Variants in ANO10 observed in about 807,000 individuals in gnomAD.
ANO10 encodes the protein anoctamin 10, also known as anoctamin-10.
ANO10 carries 77 observed loss-of-function variants against 74.7 expected under a neutral mutation model. That is an observed-to-expected ratio of 1.03 (90% CI 0.86 to 1.25). The LOEUF (loss-of-function observed/expected upper bound fraction) is 1.25. ANO10 is among the 50% of genes most tolerant of loss of function. The pLI is 0.00. For synonymous variants in ANO10, 279 were observed against 284.9 expected, an observed-to-expected ratio of 0.98 and a Z score of 0.21; for missense variants, 721 against 778.1, an observed-to-expected ratio of 0.93 and a Z score of 0.87.
intron 12 of ANO10, among the ~76,000 whole-genome samples, chr3:43,429,062 A>T (rs1311389243): frequency 3.9e-5 from 6 of 152,160 alleles, no homozygotes; most frequent in Non-Finnish European, 8.8e-5. Flanking sequence ...GGTAAAGTGT[A>T]CCTGAAGATA....
chr3:43,600,664 C>T lies in ANO10; in HGVS notation c.140-83G>A, dbSNP rs2068969. On this transcript the variant is annotated intron_variant, in intron 2 of 12. Coordinates refer to ENST00000292246, the MANE Select transcript of ANO10 (RefSeq NM_018075.5). ...AACTTTCTAAATAAATATAATGTTT[C>T]TAGTCTGGTAGAAGAAAAAGAAATT... The T allele has an allele frequency of 0.011, 12,670 of 1,199,558 alleles. 187 individuals are homozygous for T. Among genetic ancestry groups the T allele is most frequent in the African/African-American group, 0.064 (4,158 of 64,822 alleles). 74.3% of individuals were successfully genotyped at this position (1,199,558 alleles called of 1,614,324 possible). A position where few individuals can be genotyped will look rare whatever the true frequency, so the allele number is the denominator to read the frequency against.
intron 2 of ANO10, among the ~76,000 whole-genome samples, chr3:43,604,951 C>G (rs2082492943): frequency 6.6e-6 from 1 of 152,042 alleles, no homozygotes; most frequent in African/African-American, 2.4e-5. Flanking sequence ...GAAATAACTT[C>G]AGTTTATAGT....
At chr3:43,461,373 G>A (rs1305944777) in intron 11 of ANO10, among the ~76,000 whole-genome samples, 2 of 152,098 alleles carry the variant, frequency 1.3e-5, no homozygotes, top group Non-Finnish European at 2.9e-5. Flanking sequence ...ATTCATAACA[G>A]AAAATCTTCT....
rs1482785498 is a variant in ANO10 at position 43,441,970 on chromosome 3, TCAA to T, written c.1798-9246_1798-9244del. Among the ~76,000 whole-genome samples the T allele has an allele frequency of 2.6e-5, 4 of 151,840 alleles. No individual in the cohort carries two copies. The South Asian group carries it at 8.3e-4, about 32-fold the overall frequency. ...CAATACCCTTTCATGATAAAAACAC[TCAA>T]CAAAGTAGGAGTAAAAAGAAATTAC... On this transcript the variant is annotated intron_variant, in intron 11 of 12. Coordinates refer to ENST00000292246, the MANE Select transcript of ANO10 (RefSeq NM_018075.5).
chr3:43,390,224 C>T (rs1424030027), intron 12 of ANO10, among the ~76,000 whole-genome samples: 3 of 152,174 alleles, frequency 2.0e-5, no homozygotes, highest in Non-Finnish European at 4.4e-5. Flanking sequence ...CTGGACTGGA[C>T]GTTGAGCCCA....
chr3:43,477,530 T>C (rs1161483259), intron 11 of ANO10, among the ~76,000 whole-genome samples: 2 of 152,212 alleles, frequency 1.3e-5, no homozygotes, highest in Non-Finnish European at 2.9e-5. Flanking sequence ...CAAAATGTCA[T>C]TGCATAAAAG....
chr3:43,513,094 G>A (rs2077571931), intron 11 of ANO10, among the ~76,000 whole-genome samples: 2 of 152,204 alleles, frequency 1.3e-5, no homozygotes, highest in South Asian at 2.1e-4. Flanking sequence ...CAAGTTTTCA[G>A]TAGAGGTCTT....
At chr3:43,491,181 G>A (rs529291940) in intron 11 of ANO10, among the ~76,000 whole-genome samples, 1 of 152,264 alleles carries the variant, frequency 6.6e-6, no homozygotes, top group South Asian at 2.1e-4. Flanking sequence ...CGAAGAATCA[G>A]AAGGAATCCA....
At chr3:43,542,962 A>T (rs1169648577) in intron 11 of ANO10, among the ~76,000 whole-genome samples, 1 of 152,154 alleles carries the variant, frequency 6.6e-6, no homozygotes, top group African/African-American at 2.4e-5. Flanking sequence ...AGAGTTATAC[A>T]TGTGTTATTT....
chr3:43,468,336 T>G (rs1008762242), intron 11 of ANO10, among the ~76,000 whole-genome samples: 1 of 152,178 alleles, frequency 6.6e-6, no homozygotes, highest in Non-Finnish European at 1.5e-5. Flanking sequence ...TGGGAAATGC[T>G]GAAAGGCTTA....
chr3:43,480,315 G>T (rs2076219200), intron 11 of ANO10, among the ~76,000 whole-genome samples: 1 of 152,166 alleles, frequency 6.6e-6, no homozygotes, highest in African/African-American at 2.4e-5. Context: ...ATAATTCAAG[G>T]ATTTCACAGA....
chr3:43,435,493 A>G (rs938256587), intron 11 of ANO10, among the ~76,000 whole-genome samples: 4 of 144,004 alleles, frequency 2.8e-5, no homozygotes, highest in Admixed American at 7.2e-5. Context: ...TGGGTGACAG[A>G]GCGAGACTCC....
intron 1 of ANO10, among the ~76,000 whole-genome samples, chr3:43,675,702 T>C (rs1039882785): frequency 6.6e-6 from 1 of 151,892 alleles, no homozygotes; most frequent in African/African-American, 2.4e-5. Flanking sequence ...CACCCATCAC[T>C]ACACACCCAT....
At chr3:43,691,317 C>T in intron 1 of ANO10, 1 of 319,860 alleles carries the variant, frequency 3.1e-6, no homozygotes. Flanking sequence ...AGGGTCCGCC[C>T]CGTTGTTGTA....
chr3:43,475,285 G>A (rs114151683), intron 11 of ANO10, among the ~76,000 whole-genome samples: 2,338 of 152,194 alleles, frequency 0.015, 22 homozygotes, highest in Middle Eastern at 0.054. Flanking sequence ...CAACATTAGC[G>A]TGAAGAACCT....
chr3:43,599,722 G>A (rs1044404942), intron 3 of ANO10, among the ~76,000 whole-genome samples: 14 of 151,874 alleles, frequency 9.2e-5, no homozygotes, highest in African/African-American at 2.7e-4. Context: ...TGGCTAACAC[G>A]GTGAAACCCC....
Position 43,484,864 on chromosome 3 carries a change from C to G in ANO10, c.1798-52137G>C, listed in dbSNP as rs66842319. 6 of 574,376 alleles carry G rather than the reference C, an allele frequency of 1.0e-5. No homozygotes were observed. The East Asian group carries it at 1.8e-4, about 18-fold the overall frequency. The allele number at this position is 574,376 out of a possible 1,614,324, so 35.6% of individuals were successfully genotyped here. A position where few individuals can be genotyped will look rare whatever the true frequency, so the allele number is the denominator to read the frequency against. ...ATCATGGAGGCGGGGCTGTGTTCTC[C>G]GCCAACAGGCATGACCAATTGTCTA... On this transcript the variant is annotated intron_variant, in intron 11 of 12. Transcript: ENST00000292246.
At chr3:43,583,842 TATC>T (rs1249812539) in intron 4 of ANO10, among the ~76,000 whole-genome samples, 1 of 152,206 alleles carries the variant, frequency 6.6e-6, no homozygotes, top group African/African-American at 2.4e-5. Context: ...AAGAAAATGC[TATC>T]ATAAGGTTCT....
chr3:43,423,638 G>C (rs1312427641), intron 12 of ANO10, among the ~76,000 whole-genome samples: 1 of 152,192 alleles, frequency 6.6e-6, no homozygotes, highest in East Asian at 1.9e-4. Flanking sequence ...GAGTGCTTGG[G>C]AATCTTGCTA....
Sources: allele counts gnomAD v4.1 joint callset (sites outside exome capture counted in the v4.1 genomes callset), GRCh38; gene constraint gnomAD v4.1.1; transcripts MANE v1.5; gene names NCBI Gene and HGNC (gene_info 2026-07-23, HGNC 2026-07-21).